RANBP2: variants seen among roughly 807,000 people sequenced by gnomAD.
The protein encoded by RANBP2 is RAN binding protein 2.
RANBP2 carries 57 observed loss-of-function variants against 303.6 expected under a neutral mutation model. The ratio of observed to expected loss-of-function variants is 0.19; its 90% CI spans 0.15 to 0.23. RANBP2 has a LOEUF of 0.23. Among genes scored for constraint, RANBP2 ranks in the 10% least tolerant of loss-of-function variants. RANBP2 has a pLI of 1.00. For synonymous variants in RANBP2, 1,167 were observed against 1,301.5 expected, an observed-to-expected ratio of 0.90 and a Z score of 2.23; for missense variants, 3,138 against 3,780.8, an observed-to-expected ratio of 0.83 and a Z score of 4.46.
At chr2:109,629,304 T>TAG in the RANBP2 span, among the ~76,000 whole-genome samples, 3 of 22,294 alleles carry the variant, frequency 1.3e-4, no homozygotes, top group South Asian at 1.8e-3. Flanking sequence ...GGCCTAAAGA[T>TAG]ATATATATAT....
At chr2:109,143,722 C>A in the RANBP2 span, among the ~76,000 whole-genome samples, 23 of 152,180 alleles carry the variant, frequency 1.5e-4, 1 homozygote, top group East Asian at 4.4e-3. Flanking sequence ...CCACTGCACT[C>A]CAGCCTGGGC....
chr2:108,740,092 T>C (rs1169550286), intron 6 of RANBP2, among the ~76,000 whole-genome samples: 1 of 152,220 alleles, frequency 6.6e-6, no homozygotes, highest in East Asian at 1.9e-4. Flanking sequence ...TTACTTATAA[T>C]TTGGAAATGG....
chr2:109,738,869 A>G, the RANBP2 span, among the ~76,000 whole-genome samples: 1 of 149,822 alleles, frequency 6.7e-6, no homozygotes, highest in Non-Finnish European at 1.5e-5. Flanking sequence ...GTTTTCTTGT[A>G]GCAGTTTCAT....
the RANBP2 span, chr2:109,614,535 G>A: frequency 6.2e-6 from 8 of 1,287,844 alleles, no homozygotes; most frequent in African/African-American, 1.6e-5. Flanking sequence ...GCTGGGCCCC[G>A]AGGCGGTGCT....
the RANBP2 span, among the ~76,000 whole-genome samples, chr2:109,692,079 G>A: frequency 3.3e-5 from 5 of 152,182 alleles, no homozygotes; most frequent in Non-Finnish European, 7.3e-5. Flanking sequence ...ACCATGCCCG[G>A]CCCATGATCA....
the RANBP2 span, among the ~76,000 whole-genome samples, chr2:109,579,083 AG>A: frequency 6.6e-6 from 1 of 152,248 alleles, no homozygotes; most frequent in Admixed American, 6.5e-5. Flanking sequence ...AACTATTATC[AG>A]GAAAGACAGA....
At chr2:109,495,595 T>G in the RANBP2 span, among the ~76,000 whole-genome samples, 1 of 148,124 alleles carries the variant, frequency 6.8e-6, no homozygotes, top group African/African-American at 2.5e-5. Flanking sequence ...TTTAAGCAAT[T>G]CTTGTGCCCA....
At chr2:109,019,170 A>G in the RANBP2 span, among the ~76,000 whole-genome samples, 1 of 152,224 alleles carries the variant, frequency 6.6e-6, no homozygotes, top group East Asian at 1.9e-4. Flanking sequence ...AAACTGCACA[A>G]CCGACCCGTG....
the RANBP2 span, chr2:109,502,011 A>G: frequency 3.9e-6 from 1 of 259,134 alleles, no homozygotes; most frequent in East Asian, 7.8e-5. Context: ...TTACCACCTA[A>G]GCAGGGTTGG....
At chr2:108,843,818 A>G in the RANBP2 span, among the ~76,000 whole-genome samples, 1 of 132,540 alleles carries the variant, frequency 7.5e-6, no homozygotes, top group Non-Finnish European at 1.6e-5. Context: ...GGAAGTTTTC[A>G]GTCATTATTT....
chr2:109,267,031 A>G, the RANBP2 span, among the ~76,000 whole-genome samples: 2 of 152,164 alleles, frequency 1.3e-5, no homozygotes, highest in African/African-American at 2.4e-5. Flanking sequence ...CTGCAGACAG[A>G]GGTGGATAAA....
chr2:108,797,743 T>C, the RANBP2 span, among the ~76,000 whole-genome samples: 1 of 152,228 alleles, frequency 6.6e-6, no homozygotes, highest in Non-Finnish European at 1.5e-5. Flanking sequence ...TTCTGTTTTT[T>C]CCCTGTGAAG....
the RANBP2 span, among the ~76,000 whole-genome samples, chr2:109,039,571 G>A: frequency 6.6e-6 from 1 of 152,064 alleles, no homozygotes; most frequent in African/African-American, 2.4e-5. Flanking sequence ...GGATGGTCTC[G>A]ATCTCTTGAC....
chr2:108,906,479 G>A, the RANBP2 span: 275 of 1,071,290 alleles, frequency 2.6e-4, 1 homozygote, highest in Non-Finnish European at 3.7e-4. Flanking sequence ...CACCAGAGAC[G>A]CTGCACACAG....
chr2:109,031,637 G>T, the RANBP2 span, among the ~76,000 whole-genome samples: 1 of 152,116 alleles, frequency 6.6e-6, no homozygotes, highest in African/African-American at 2.4e-5. Context: ...CTGCAGCTCG[G>T]CCGGGAAGCG....
the RANBP2 span, chr2:109,613,637 C>T: frequency 2.3e-6 from 1 of 427,652 alleles, no homozygotes; most frequent in Non-Finnish European, 3.6e-6. Flanking sequence ...CCGCCCCAGG[C>T]GCCCGGCCGC....
the RANBP2 span, among the ~76,000 whole-genome samples, chr2:109,656,752 C>T: frequency 1.4e-4 from 22 of 152,292 alleles, no homozygotes; most frequent in Middle Eastern, 3.4e-3. Flanking sequence ...TGCCCTTTGG[C>T]GTTAATGAAT....
At chr2:109,021,181 C>G in the RANBP2 span, among the ~76,000 whole-genome samples, 1 of 152,182 alleles carries the variant, frequency 6.6e-6, no homozygotes, top group Non-Finnish European at 1.5e-5. Context: ...TTGGTTAGTG[C>G]TCACCAAGTG....
At chr2:109,586,944 A>G in the RANBP2 span, among the ~76,000 whole-genome samples, 2 of 152,224 alleles carry the variant, frequency 1.3e-5, no homozygotes, top group Non-Finnish European at 2.9e-5. Flanking sequence ...AGAAGAAGAA[A>G]ACAGAATCTA....
Sources: gnomAD v4.1 joint callset for allele counts (sites outside exome capture counted in the v4.1 genomes callset) on GRCh38, gnomAD v4.1.1 for gene constraint, MANE v1.5 for transcripts, NCBI Gene and HGNC (gene_info 2026-07-23, HGNC 2026-07-21) for gene names.